KIAA1217: variants seen among roughly 807,000 people sequenced by gnomAD.
The protein encoded by KIAA1217 is sickle tail protein homolog.
KIAA1217 carries 88 observed loss-of-function variants against 163.9 expected under a neutral mutation model. The ratio of observed to expected loss-of-function variants is 0.54; its 90% confidence interval spans 0.45 to 0.64. The LOEUF (loss-of-function observed/expected upper bound fraction) is 0.64, where lower values mean the gene tolerates loss of function less well. Among genes scored for constraint, KIAA1217 ranks in the 30% least tolerant of loss-of-function variants. The pLI is 0.00. For missense variants in KIAA1217, 2,372 were observed against 2,475.0 expected, an observed-to-expected ratio of 0.96 and a Z score of 0.88; for synonymous variants, 903 against 923.1, an observed-to-expected ratio of 0.98 and a Z score of 0.39.
intron 1 of KIAA1217, among the ~76,000 whole-genome samples, chr10:23,746,590 A>T (rs928235769): frequency 1.3e-5 from 2 of 151,604 alleles, no homozygotes; most frequent in Non-Finnish European, 2.9e-5. Flanking sequence ...CGCCCAGCTA[A>T]TTTTTTGTAT....
At chr10:24,185,052 C>T (rs1173765327) in intron 2 of KIAA1217, among the ~76,000 whole-genome samples, 1 of 152,016 alleles carries the variant, frequency 6.6e-6, no homozygotes, top group Non-Finnish European at 1.5e-5. Context: ...AAAGTTCTAT[C>T]TGAAATAAAA....
At chr10:24,220,871 A>C (rs1275285282) in intron 2 of KIAA1217, among the ~76,000 whole-genome samples, 2 of 147,518 alleles carry the variant, frequency 1.4e-5, no homozygotes, top group African/African-American at 5.0e-5. Context: ...AGATCCTCTC[A>C]TCTCAGCCTC....
At chr10:24,113,863 G>A (rs1358391944) in intron 2 of KIAA1217, among the ~76,000 whole-genome samples, 1 of 152,182 alleles carries the variant, frequency 6.6e-6, no homozygotes, top group Non-Finnish European at 1.5e-5. Context: ...ATATTCATGT[G>A]GCCAGTGCAA....
intron 2 of KIAA1217, among the ~76,000 whole-genome samples, chr10:24,049,278 A>G (rs1228877233): frequency 6.6e-6 from 1 of 152,140 alleles, no homozygotes; most frequent in East Asian, 1.9e-4. Flanking sequence ...ATGTGATGAA[A>G]AACTAAATGC....
At chr10:23,985,057 C>T (rs995551762) in intron 1 of KIAA1217, among the ~76,000 whole-genome samples, 1 of 152,096 alleles carries the variant, frequency 6.6e-6, no homozygotes, top group East Asian at 1.9e-4. Context: ...GCTGAACAGG[C>T]TTCTAGGAGA....
intron 1 of KIAA1217, among the ~76,000 whole-genome samples, chr10:23,824,500 G>C (rs780055769): frequency 1.4e-5 from 2 of 144,910 alleles, no homozygotes; most frequent in African/African-American, 2.6e-5. Flanking sequence ...TGGTGACATG[G>C]GCCTCTAATC....
chr10:23,925,667 G>C (rs1371498626), intron 1 of KIAA1217, among the ~76,000 whole-genome samples: 1 of 152,186 alleles, frequency 6.6e-6, no homozygotes, highest in Non-Finnish European at 1.5e-5. Context: ...TGCCATCTCA[G>C]AATGAGGTGC....
intron 1 of KIAA1217, among the ~76,000 whole-genome samples, chr10:23,757,390 T>C (rs184028561): frequency 5.9e-5 from 9 of 152,342 alleles, no homozygotes; most frequent in African/African-American, 2.2e-4. Flanking sequence ...CGGTCATTTT[T>C]TATATTTTGT....
intron 2 of KIAA1217, chr10:24,368,753 C>A: frequency 1.6e-6 from 1 of 638,748 alleles, no homozygotes; most frequent in Non-Finnish European, 1.9e-6. Flanking sequence ...TCTCCTCTCA[C>A]ATAGGATCCC....
At chr10:24,434,025 C>CTCT (rs2059814986) in intron 4 of KIAA1217, among the ~76,000 whole-genome samples, 2 of 72,636 alleles carry the variant, frequency 2.8e-5, no homozygotes, top group African/African-American at 1.3e-4. Context: ...CTCTCTCTCT[C>CTCT]TTTTTTTTTT....
In KIAA1217 at chr10:24,543,761, C is replaced by T; in HGVS notation, c.4491C>T (p.Asn1497=). 1 of 1,613,410 alleles carries T rather than the reference C, an allele frequency of 6.2e-7. No homozygotes were observed. Among genetic ancestry groups the T allele is most frequent in the Non-Finnish European group, 8.5e-7 (1 of 1,179,666 alleles). ...ENGDSVVQNN[N]TSQMSHKKVA... The stretch of plus-strand genomic sequence containing the variant: ...GGGATTCTGTAGTCCAGAATAATAA[C>T]ACTTCCCAGATGTCTCATAAGAAGG... The change falls in exon 19 of 21, where the codon AAC becomes AAT. Residue 1497 remains asparagine, a synonymous_variant. Coordinates refer to ENST00000376454, the MANE Select transcript of KIAA1217 (RefSeq NM_019590.5).
intron 1 of KIAA1217, among the ~76,000 whole-genome samples, chr10:23,842,552 A>G (rs1838836571): frequency 6.6e-6 from 1 of 152,130 alleles, no homozygotes; most frequent in Admixed American, 6.6e-5. Flanking sequence ...TTTGCCCTCC[A>G]TCACTCATTT....
chr10:24,221,040 C>T (rs901166481), intron 2 of KIAA1217, among the ~76,000 whole-genome samples: 2 of 152,136 alleles, frequency 1.3e-5, no homozygotes, highest in East Asian at 3.9e-4. Context: ...GAATTACAGG[C>T]ATGAACCACT....
chr10:23,723,269 G>A lies in KIAA1217; in HGVS notation c.-321+28035G>A, dbSNP rs114017983. Reference sequence around the variant, plus strand: ...ACACTCCTGTGCTTTTGGGATGATTGTATCTGGCTTGTTACAGCTTCTCTA... The same window carrying A: ...ACACTCCTGTGCTTTTGGGATGATTATATCTGGCTTGTTACAGCTTCTCTA... On this transcript the variant is annotated intron_variant, in intron 1 of 18. Coordinates refer to the KIAA1217 transcript ENST00000376462. Among the ~76,000 whole-genome samples the A allele has an allele frequency of 9.2e-3, 1,402 of 152,164 alleles. 21 individuals are homozygous for A. The highest frequency in any genetic ancestry group is 0.031 in the African/African-American group (1,301 of 41,504).
chr10:24,459,631 A>C (rs2062156860), intron 5 of KIAA1217, among the ~76,000 whole-genome samples: 1 of 152,176 alleles, frequency 6.6e-6, no homozygotes, highest in African/African-American at 2.4e-5. Flanking sequence ...CAGATAAAGA[A>C]AGGGATGTTG....
chr10:24,022,881 T>C (rs927635046), intron 2 of KIAA1217, among the ~76,000 whole-genome samples: 2 of 150,814 alleles, frequency 1.3e-5, no homozygotes, highest in African/African-American at 4.9e-5. Context: ...TTATTCCTAG[T>C]CAAAACTTTT....
At chr10:23,825,736 G>T (rs78234183) in intron 1 of KIAA1217, among the ~76,000 whole-genome samples, 1 of 152,076 alleles carries the variant, frequency 6.6e-6, no homozygotes, top group Admixed American at 6.6e-5. Flanking sequence ...TATTCAATTC[G>T]CCACAGATGA....
chr10:23,832,759 T>G (rs1349421265), intron 1 of KIAA1217, among the ~76,000 whole-genome samples: 2 of 152,162 alleles, frequency 1.3e-5, no homozygotes, highest in African/African-American at 4.8e-5. Context: ...ATTAGTCCAT[T>G]TTCATGCTGC....
At chr10:24,032,518 T>C (rs1848230286) in intron 2 of KIAA1217, among the ~76,000 whole-genome samples, 1 of 152,206 alleles carries the variant, frequency 6.6e-6, no homozygotes, top group South Asian at 2.1e-4. Flanking sequence ...ATTACAGGCA[T>C]GAGCCACCAT....
Sources: allele counts gnomAD v4.1 joint callset (sites outside exome capture counted in the v4.1 genomes callset), GRCh38; gene constraint gnomAD v4.1.1; transcripts MANE v1.5; gene names NCBI Gene and HGNC (gene_info 2026-07-23, HGNC 2026-07-21).